The following PRELID2 variants were observed in gnomAD, a reference collection of about 807,000 sequenced individuals.
PRELID2 encodes the protein PRELI domain-containing protein 2.
Under a neutral mutation model 28.4 loss-of-function variants are expected in PRELID2, and 25 were observed. The observed-to-expected ratio is 0.88, with a 90% CI of 0.64 to 1.23. The LOEUF (loss-of-function observed/expected upper bound fraction) is 1.23, where lower values mean the gene tolerates loss of function less well. PRELID2 is among the 50% of genes most tolerant of loss of function. PRELID2 has a pLI of 0.00. For missense variants in PRELID2, 201 were observed against 214.4 expected (o/e 0.94, Z 0.39); for synonymous variants, 76 against 71.6 (o/e 1.06, Z -0.31).
the PRELID2 span, among the ~76,000 whole-genome samples, chr5:145,349,364 G>T: frequency 6.6e-6 from 1 of 151,944 alleles, no homozygotes; most frequent in East Asian, 1.9e-4. Flanking sequence ...TGCAAGAATT[G>T]TGTCTTTTGG....
chr5:145,417,803 A>T, the PRELID2 span, among the ~76,000 whole-genome samples: 1 of 152,208 alleles, frequency 6.6e-6, no homozygotes, highest in African/African-American at 2.4e-5. Flanking sequence ...ATGGATGGGC[A>T]AAAGCTGGAG....
intron 1 of PRELID2, among the ~76,000 whole-genome samples, chr5:145,557,882 G>T (rs187661416): frequency 3.4e-4 from 52 of 152,124 alleles, no homozygotes; most frequent in African/African-American, 1.2e-3. Flanking sequence ...TTAAAATTTG[G>T]GACCAAAATG....
intron 1 of PRELID2, among the ~76,000 whole-genome samples, chr5:145,717,688 TATA>T (rs1414638624): frequency 4.6e-5 from 7 of 150,832 alleles, no homozygotes; most frequent in African/African-American, 9.7e-5. Context: ...TTAAAATAAT[TATA>T]ATAAAATTTA....
intron 1 of PRELID2, among the ~76,000 whole-genome samples, chr5:145,497,902 C>T (rs767711570): frequency 1.3e-5 from 2 of 152,340 alleles, no homozygotes; most frequent in South Asian, 2.1e-4. Context: ...TCCCACAAGG[C>T]ATCTGTGGAA....
the PRELID2 span, among the ~76,000 whole-genome samples, chr5:145,392,671 GAGAA>G: frequency 6.6e-6 from 1 of 151,694 alleles, no homozygotes; most frequent in Admixed American, 6.6e-5. Context: ...CATAATGAAA[GAGAA>G]AGAAAGAGAG....
chr5:145,801,994 C>T (rs914381128), intron 4 of PRELID2, among the ~76,000 whole-genome samples: 3 of 152,208 alleles, frequency 2.0e-5, no homozygotes, highest in Admixed American at 6.5e-5. Flanking sequence ...CATGAATTCC[C>T]TAAACTCCGT....
chr5:145,513,265 T>C (rs1002039710), intron 1 of PRELID2, among the ~76,000 whole-genome samples: 1 of 151,590 alleles, frequency 6.6e-6, no homozygotes, highest in African/African-American at 2.4e-5. Context: ...AATTGCTACC[T>C]AGAATAACCA....
the PRELID2 span, among the ~76,000 whole-genome samples, chr5:145,401,486 T>G: frequency 1.3e-5 from 2 of 152,158 alleles, no homozygotes; most frequent in Non-Finnish European, 2.9e-5. Context: ...ATATAGATTT[T>G]GAAATGCATT....
At chr5:145,600,086 A>G (rs1753367239) in intron 1 of PRELID2, among the ~76,000 whole-genome samples, 1 of 150,214 alleles carries the variant, frequency 6.7e-6, no homozygotes, top group Non-Finnish European at 1.5e-5. Flanking sequence ...TGTTAAAAAC[A>G]CAAGATCTAA....
chr5:145,436,149 T>G, the PRELID2 span, among the ~76,000 whole-genome samples: 6 of 152,192 alleles, frequency 3.9e-5, no homozygotes, highest in African/African-American at 1.4e-4. Context: ...CCATGTGCAC[T>G]CAATTTTTAG....
At chr5:145,741,105 C>T (rs1250850210) in intron 1 of PRELID2, among the ~76,000 whole-genome samples, 5 of 112,296 alleles carry the variant, frequency 4.5e-5, no homozygotes, top group Non-Finnish European at 8.2e-5. Context: ...ATATTTTATG[C>T]TTTACATATA....
intron 1 of PRELID2, among the ~76,000 whole-genome samples, chr5:145,829,205 T>A (rs1272434417): frequency 6.6e-6 from 1 of 152,090 alleles, no homozygotes; most frequent in Non-Finnish European, 1.5e-5. Flanking sequence ...CTGGCCAATA[T>A]CTTCTGTCTT....
intron 1 of PRELID2, among the ~76,000 whole-genome samples, chr5:145,624,064 C>CTTA (rs892146453): frequency 1.4e-4 from 22 of 152,196 alleles, no homozygotes; most frequent in African/African-American, 5.3e-4. Flanking sequence ...ATGTGCTTTA[C>CTTA]TTATTATTAC....
intron 1 of PRELID2, among the ~76,000 whole-genome samples, chr5:145,623,534 C>T (rs2149653426): frequency 6.6e-6 from 1 of 151,760 alleles, no homozygotes; most frequent in African/African-American, 2.4e-5. Context: ...CAGACTTAGA[C>T]AAACTGAAGT....
intron 1 of PRELID2, among the ~76,000 whole-genome samples, chr5:145,620,283 A>C (rs190270494): frequency 6.6e-6 from 1 of 151,972 alleles, no homozygotes; most frequent in Non-Finnish European, 1.5e-5. Context: ...GTAAAACACC[A>C]AAAGCAAAGA....
chr5:145,637,306 C>T (rs1754016809), intron 1 of PRELID2, among the ~76,000 whole-genome samples: 1 of 152,146 alleles, frequency 6.6e-6, no homozygotes, highest in African/African-American at 2.4e-5. Flanking sequence ...TTTCATATGC[C>T]AGCAAAGAAA....
the PRELID2 span, among the ~76,000 whole-genome samples, chr5:145,426,966 G>C: frequency 6.6e-6 from 1 of 152,170 alleles, no homozygotes; most frequent in African/African-American, 2.4e-5. Flanking sequence ...AGGCTTTTTT[G>C]TTCGGCAACT....
intron 1 of PRELID2, among the ~76,000 whole-genome samples, chr5:145,562,109 A>G (rs1752929965): frequency 6.6e-6 from 1 of 152,224 alleles, no homozygotes; most frequent in Non-Finnish European, 1.5e-5. Context: ...CATGCATTTC[A>G]GGTAATTAGT....
chr5:145,719,248 A>G (rs1162543872), intron 1 of PRELID2, among the ~76,000 whole-genome samples: 2 of 152,090 alleles, frequency 1.3e-5, no homozygotes, highest in East Asian at 3.9e-4. Flanking sequence ...ATTAAATTAA[A>G]ATCACCCTGA....
Sources: gnomAD v4.1 joint callset for allele counts (sites outside exome capture counted in the v4.1 genomes callset) on GRCh38, gnomAD v4.1.1 for gene constraint, MANE v1.5 for transcripts, NCBI Gene and HGNC (gene_info 2026-07-23, HGNC 2026-07-21) for gene names.